COMT: variants seen among roughly 807,000 people sequenced by gnomAD.
COMT encodes catechol-O-methyltransferase, also known as catechol O-methyltransferase.
COMT carries 13 observed loss-of-function variants against 18.9 expected under a neutral mutation model. That is an observed-to-expected ratio of 0.69 (90% CI 0.45 to 1.09). The LOEUF is 1.09. Among genes scored for constraint, COMT ranks in the 50% least tolerant of loss-of-function variants. The pLI is 0.00. For missense variants in COMT, 329 were observed against 361.8 expected, an observed-to-expected ratio of 0.91 and a Z score of 0.73; for synonymous variants, 150 against 160.9, an observed-to-expected ratio of 0.93 and a Z score of 0.51.
At chr22:19,961,497 G>T (rs1281256089) in intron 2 of COMT, among the ~76,000 whole-genome samples, 2 of 152,218 alleles carry the variant, frequency 1.3e-5, no homozygotes, top group East Asian at 3.8e-4. Context: ...GTCCTCTGGT[G>T]CCCTGAGGCT....
rs1942654157 is a variant in COMT at position 19,969,951 on chromosome 22, T to C, written c.*1215T>C. Reference sequence around the variant, plus strand: ...TTACAAAAATTTAGGTGTTTACCAATAGTCTTATTTTGGCTTATTTTTAAT... The same window carrying C: ...TTACAAAAATTTAGGTGTTTACCAACAGTCTTATTTTGGCTTATTTTTAAT... On this transcript the variant is annotated 3_prime_UTR_variant, in exon 6 of 6. Coordinates refer to ENST00000361682, the MANE Select transcript of COMT (RefSeq NM_000754.4). 1.0e-6 allele frequency: 1 copy of C among 985,494 alleles called. No homozygotes were observed. Among genetic ancestry groups the C allele is most frequent in the South Asian group, 4.7e-5 (1 of 21,296 alleles). 61.0% of individuals were successfully genotyped at this position (985,494 alleles called of 1,614,324 possible).
rs180991698 is a variant in COMT, at chr22:19,962,550, G to A, written c.24G>A (p.Leu8=). The A allele has an allele frequency of 4.5e-6, 7 of 1,559,368 alleles. No homozygotes were observed. The highest frequency in any genetic ancestry group is 6.1e-6 in the Non-Finnish European group (7 of 1,152,898). Residue 8 remains leucine (L), a synonymous_variant, in exon 3 of 6, where the codon CTG becomes CTA. Transcript: ENST00000361682. ...AGATGCCGGAGGCCCCGCCTCTGCT[G>A]TTGGCAGCTGTGTTGCTGGGCCTGG... MPEAPPL[L]LAAVLLGLVL... is the part of the protein sequence containing the mutation.
intron 1 of COMT, among the ~76,000 whole-genome samples, chr22:19,944,435 C>G (rs1162016979): frequency 6.6e-6 from 1 of 151,980 alleles, no homozygotes; most frequent in African/African-American, 2.4e-5. Context: ...GAGGCTGAGG[C>G]GGGATAATCG....
rs5993884 is a variant in COMT, at chr22:19,950,246, T to C, written c.-92+8349T>C. 1.2e-3 allele frequency among the ~76,000 whole-genome samples: 86 copies of C among 73,072 alleles called. No homozygotes were observed. The South Asian group carries it at 0.019, about 16-fold the overall frequency. The allele number at this position is 73,072 out of a possible 152,430, so 47.9% of individuals were successfully genotyped here. ...TTTTTCTTTTCTTTTCTTTTCTTTT[T>C]TTTTTTTTTTTTTTTTTCTGTAGAG... is the stretch of plus-strand genomic sequence containing the variant. On this transcript the variant is annotated intron_variant, in intron 1 of 5. Transcript: ENST00000361682.
In COMT at chr22:19,964,648, C is replaced by T. The variant is rs572487155; in HGVS notation, c.615+349C>T. ...GGAGATGGGGTGGGGAAGGGCCGCTCTGGGCCCAGCCTGCTCTCCCCCAAG... is the reference window on the plus strand; with the variant it reads ...GGAGATGGGGTGGGGAAGGGCCGCTTTGGGCCCAGCCTGCTCTCCCCCAAG... On this transcript the variant is annotated intron_variant, in intron 5 of 5. Transcript: ENST00000361682. 5.1e-6 allele frequency: 3 copies of T among 589,350 alleles called. No individual in the cohort carries two copies. In the African/African-American group the frequency reaches 5.6e-5, roughly 11 times the overall value. 36.5% of individuals were successfully genotyped at this position (589,350 alleles called of 1,614,324 possible). A position where few individuals can be genotyped will look rare whatever the true frequency, so the allele number is the denominator to read the frequency against.
At chr22:19,964,450 G>C in intron 5 of COMT, 151 bp downstream of exon 5, 2 of 1,128,756 alleles carry the variant, frequency 1.8e-6, no homozygotes, top group East Asian at 5.1e-5. Context: ...GGAGTGTGGG[G>C]GACTGAGGAG....
intron 1 of COMT, among the ~76,000 whole-genome samples, chr22:19,943,906 G>A (rs1941792953): frequency 6.6e-6 from 1 of 152,132 alleles, no homozygotes; most frequent in Non-Finnish European, 1.5e-5. Flanking sequence ...GCTGGAGGGG[G>A]GGTCTTCCTG....
At chr22:19,955,484 G>A (rs1942038128) in intron 1 of COMT, among the ~76,000 whole-genome samples, 1 of 152,242 alleles carries the variant, frequency 6.6e-6, no homozygotes, top group Non-Finnish European at 1.5e-5. Flanking sequence ...AAAGGGCAGG[G>A]CTTCTTGCAG....
intron 1 of COMT, 52 bp downstream of exon 1, chr22:19,941,949 G>T: frequency 1.3e-6 from 1 of 765,896 alleles, no homozygotes; most frequent in Non-Finnish European, 1.9e-6. Context: ...CGGGGCGGGG[G>T]CCTTCAGACC....
intron 1 of COMT, among the ~76,000 whole-genome samples, chr22:19,947,059 G>T (rs887741432): frequency 6.6e-6 from 1 of 151,804 alleles, no homozygotes; most frequent in Non-Finnish European, 1.5e-5. Context: ...GGGATTACAG[G>T]TGTGCACCAT....
intron 2 of COMT, 187 bp from the exon 3 acceptor site, chr22:19,962,340 C>A: frequency 9.9e-7 from 1 of 1,007,090 alleles, no homozygotes; most frequent in South Asian, 1.6e-5. Context: ...CCCGAGGGCA[C>A]CAGAGGGCAC....
chr22:19,958,738 A>AG (rs985645336), intron 1 of COMT, among the ~76,000 whole-genome samples: 7 of 150,340 alleles, frequency 4.7e-5, no homozygotes, highest in Non-Finnish European at 8.9e-5. Context: ...AAAAAAAAAA[A>AG]AAAAGCTGGG....
At chr22:19,962,849 G>C in intron 3 of COMT, 34 bp downstream of exon 3, 1 of 1,583,694 alleles carries the variant, frequency 6.3e-7, no homozygotes, top group South Asian at 1.1e-5. Context: ...TCAGCTCTGG[G>C]ACAGGGACCC....
intron 1 of COMT, among the ~76,000 whole-genome samples, chr22:19,950,756 G>A (rs1348776741): frequency 1.3e-5 from 2 of 152,138 alleles, no homozygotes; most frequent in Non-Finnish European, 2.9e-5. Context: ...GGCCTGAGAG[G>A]AGCTAGTTTG....
In COMT at chr22:19,968,763, T is replaced by G. The variant is rs768425882; in HGVS notation, c.*27T>G. Reference sequence around the variant, plus strand: ...TGCCCCCCCGGCCCCCCTCTCGGGCTCTCTCACCCAGCCTGGTACTGAAGG... The same window carrying G: ...TGCCCCCCCGGCCCCCCTCTCGGGCGCTCTCACCCAGCCTGGTACTGAAGG... On this transcript the variant is annotated 3_prime_UTR_variant, in exon 6 of 6. Transcript: ENST00000361682. 2 of 1,596,980 alleles carry G rather than the reference T, an allele frequency of 1.3e-6. No homozygotes were observed. Among genetic ancestry groups the G allele is most frequent in the African/African-American group, 2.7e-5 (2 of 74,576 alleles).
intron 3 of COMT, 180 bp from the exon 4 acceptor site, chr22:19,963,386 G>T (rs1942248213): frequency 5.8e-6 from 4 of 690,172 alleles, no homozygotes; most frequent in Non-Finnish European, 9.9e-6. Flanking sequence ...TGGGGGCTGG[G>T]GACACCAGGG....
At position 19,964,293 on chromosome 22, in the gene COMT, C is replaced by T. The variant is rs165631; in HGVS notation, c.609C>T (p.Leu203=). The T allele has an allele frequency of 0.013, 20,271 of 1,613,988 alleles. 193 individuals are homozygous for T. The highest frequency in any genetic ancestry group is 0.063 in the Middle Eastern group (381 of 6,062). ...ACCGGTACCTGCCGGACACGCTTCT[C>T]TTGGAGGTGAGCCCCAACCAGGATG... is the stretch of plus-strand genomic sequence containing the variant. ...WKDRYLPDTL[L]LEECGLLRKG... The change falls in exon 5 of 6, where the codon CTC becomes CTT. Residue 203 remains leucine, a synonymous_variant. Transcript: ENST00000361682.
At chr22:19,967,027 G>T in intron 5 of COMT, 1 of 1,201,092 alleles carries the variant, frequency 8.3e-7, no homozygotes. Flanking sequence ...TTGCAGTGTC[G>T]GGCGACAGGC....
intron 2 of COMT, 158 bp from the exon 3 acceptor site, chr22:19,962,369 G>A: frequency 7.5e-7 from 1 of 1,336,698 alleles, no homozygotes. Context: ...TGGCTCCCTG[G>A]CGCTGACACG....
Sources: gnomAD v4.1 joint callset for allele counts (sites outside exome capture counted in the v4.1 genomes callset) on GRCh38, gnomAD v4.1.1 for gene constraint, MANE v1.5 for transcripts, NCBI Gene and HGNC (gene_info 2026-07-23, HGNC 2026-07-21) for gene names.